Variants in RBM47 observed in about 807,000 individuals in gnomAD.
RBM47 encodes the protein RNA-binding protein 47.
A neutral mutation model predicts 47.1 loss-of-function variants in RBM47; 21 were observed. The observed-to-expected ratio is 0.45, with a 90% CI of 0.32 to 0.64. The LOEUF (loss-of-function observed/expected upper bound fraction) is 0.64. Ranked by LOEUF, RBM47 falls within the 30% of genes least tolerant of loss-of-function variation. The pLI, the probability that RBM47 is intolerant of heterozygous loss-of-function variation, is 0.05. For missense variants in RBM47, 708 were observed against 870.9 expected, an observed-to-expected ratio of 0.81 and a Z score of 2.35; for synonymous variants, 375 against 361.7, an observed-to-expected ratio of 1.04 and a Z score of -0.42.
chr4:40,448,108 AT>A (rs1714830073), intron 3 of RBM47, among the ~76,000 whole-genome samples: 1 of 152,138 alleles, frequency 6.6e-6, no homozygotes, highest in Non-Finnish European at 1.5e-5. Context: ...GAGGTAGAGA[AT>A]TGCTTGAACC....
intron 2 of RBM47, among the ~76,000 whole-genome samples, chr4:40,505,494 T>TA (rs560606253): frequency 0.016 from 2,075 of 132,344 alleles, 52 homozygotes; most frequent in African/African-American, 0.053. Flanking sequence ...AAAAAAAGTG[T>TA]AAAAAAAAAA....
chr4:40,454,752 C>T (rs954385319), intron 3 of RBM47, among the ~76,000 whole-genome samples: 1 of 152,186 alleles, frequency 6.6e-6, no homozygotes, highest in Non-Finnish European at 1.5e-5. Context: ...CCCACCTCAG[C>T]CTCCCAAAGT....
chr4:40,437,088 A>ATATATATAT lies in RBM47; in HGVS notation c.1124-442_1124-441insATATATATA, dbSNP rs1305076952. Reference sequence around the variant, plus strand: ...GACCCTGTCTCAAAAAAAAAAAAAAAAAATATATATATATATATATATAAA... The same window carrying ATATATATAT: ...GACCCTGTCTCAAAAAAAAAAAAAAATATATATATAAATATATATATATATATATATAAA... On this transcript the variant is annotated intron_variant, in intron 4 of 6. Coordinates refer to ENST00000295971, the MANE Select transcript of RBM47 (RefSeq NM_001098634.2). Among the ~76,000 whole-genome samples the ATATATATAT allele has an allele frequency of 3.5e-4, 19 of 54,012 alleles. 2 individuals carry two copies. Among genetic ancestry groups the ATATATATAT allele is most frequent in the African/African-American group, 1.8e-3 (17 of 9,256 alleles). 35.4% of individuals were successfully genotyped at this position (54,012 alleles called of 152,430 possible).
intron 1 of RBM47, among the ~76,000 whole-genome samples, chr4:40,617,670 T>C (rs942704453): frequency 1.3e-5 from 2 of 151,032 alleles, no homozygotes. Context: ...TTTATATTTA[T>C]ACTAATGTGA....
intron 2 of RBM47, among the ~76,000 whole-genome samples, chr4:40,515,296 A>G (rs1423717020): frequency 6.6e-6 from 1 of 152,196 alleles, no homozygotes; most frequent in Non-Finnish European, 1.5e-5. Flanking sequence ...CTGGTTTTAC[A>G]GAAACTACCT....
chr4:40,480,225 G>T (rs1720200881), intron 2 of RBM47, among the ~76,000 whole-genome samples: 1 of 151,984 alleles, frequency 6.6e-6, no homozygotes, highest in Non-Finnish European at 1.5e-5. Flanking sequence ...TGATCCATCT[G>T]CCTCGGCCTC....
rs1714725604 is a variant in RBM47, at chr4:40,424,179, T to C, written c.*1725A>G. On this transcript the variant is annotated 3_prime_UTR_variant, in exon 7 of 7. Coordinates refer to ENST00000295971, the MANE Select transcript of RBM47 (RefSeq NM_001098634.2). ...GTACTTGCTAAGGGCATGATCCTCT[T>C]ATGAATCCACAAGAATTCAGCCATC... 6.6e-6 allele frequency: 1 copy of C among 152,306 alleles called. No individual in the cohort carries two copies. Among genetic ancestry groups the C allele is most frequent in the African/African-American group, 2.4e-5 (1 of 41,444 alleles). The allele number at this position is 152,306 out of a possible 1,614,324, so 9.4% of individuals were successfully genotyped here. A position where few individuals can be genotyped will look rare whatever the true frequency, so the allele number is the denominator to read the frequency against.
At chr4:40,489,759 C>G (rs900755678) in intron 2 of RBM47, among the ~76,000 whole-genome samples, 6 of 152,198 alleles carry the variant, frequency 3.9e-5, no homozygotes, top group Non-Finnish European at 7.3e-5. Context: ...CTAATTACCA[C>G]CAATCCTTCA....
At chr4:40,605,418 C>A (rs1468158137) in intron 1 of RBM47, among the ~76,000 whole-genome samples, 1 of 152,214 alleles carries the variant, frequency 6.6e-6, no homozygotes, top group Non-Finnish European at 1.5e-5. Context: ...AGTGTTCAAA[C>A]CTCATTCTGT....
At chr4:40,485,232 T>C (rs1292693875) in intron 2 of RBM47, among the ~76,000 whole-genome samples, 2 of 152,250 alleles carry the variant, frequency 1.3e-5, no homozygotes, top group Non-Finnish European at 2.9e-5. Flanking sequence ...GTCAAATGAC[T>C]TTTTACTTAC....
At chr4:40,526,707 T>C (rs576759905) in intron 2 of RBM47, among the ~76,000 whole-genome samples, 1 of 151,514 alleles carries the variant, frequency 6.6e-6, no homozygotes, top group South Asian at 2.1e-4. Context: ...CTGAGTAGAC[T>C]GCAGGTGTGC....
chr4:40,428,185 C>A (rs545262338), intron 6 of RBM47, among the ~76,000 whole-genome samples: 1 of 145,352 alleles, frequency 6.9e-6, no homozygotes, highest in South Asian at 2.2e-4. Flanking sequence ...GGAAGTGAGA[C>A]CTTGTCTCAA....
intron 2 of RBM47, among the ~76,000 whole-genome samples, chr4:40,476,424 C>A (rs1175636625): frequency 1.3e-5 from 2 of 151,792 alleles, no homozygotes; most frequent in Non-Finnish European, 2.9e-5. Context: ...TACACATGAA[C>A]CAAACCCTCA....
intron 1 of RBM47, among the ~76,000 whole-genome samples, chr4:40,553,616 T>C (rs1043611708): frequency 2.4e-4 from 36 of 152,174 alleles, no homozygotes; most frequent in Non-Finnish European, 4.7e-4. Context: ...TTCATTTTTA[T>C]CACTTTTCAC....
intron 3 of RBM47, among the ~76,000 whole-genome samples, chr4:40,465,044 T>A (rs1423775248): frequency 6.6e-6 from 1 of 152,040 alleles, no homozygotes; most frequent in Non-Finnish European, 1.5e-5. Flanking sequence ...TTTCCTTCCA[T>A]TAGTATACTT....
intron 1 of RBM47, among the ~76,000 whole-genome samples, chr4:40,591,623 G>A (rs1396131933): frequency 6.6e-6 from 1 of 152,152 alleles, no homozygotes; most frequent in Non-Finnish European, 1.5e-5. Flanking sequence ...GAACCCAGGA[G>A]GCAGAGGTTG....
In RBM47 at chr4:40,435,058, G is replaced by C. The variant is rs114259703; in HGVS notation, c.1330+1383C>G. On this transcript the variant is annotated intron_variant, in intron 5 of 6. Coordinates refer to ENST00000295971, the MANE Select transcript of RBM47 (RefSeq NM_001098634.2). ...GGAGTTAATGTTTTTTGCAGGTTCG[G>C]ATCAGAAGACCGGCCTCACATTAGA... is the stretch of plus-strand genomic sequence containing the variant. Among the ~76,000 whole-genome samples, 1,475 of 152,240 alleles carry C rather than the reference G, an allele frequency of 9.7e-3. 20 individuals are homozygous for C. The highest frequency in any genetic ancestry group is 0.031 in the Middle Eastern group (9 of 294).
rs182302118 is a variant in RBM47 at position 40,628,540 on chromosome 4, C to T, written c.-240+856G>A. 2.8e-4 allele frequency among the ~76,000 whole-genome samples: 43 copies of T among 152,290 alleles called. No individual in the cohort carries two copies. Among genetic ancestry groups the T allele is most frequent in the Admixed American group, 2.3e-3 (35 of 15,296 alleles). ...CGGCAACTCCTTCATGTTGGGTTGT[C>T]AACCCTTTGCTTTCCCTCCCCTGAG... On this transcript the variant is annotated intron_variant, in intron 1 of 6. Transcript: ENST00000295971. This position sits in a 1 kb window ranked among gnomAD's most constrained non-coding sequence, Gnocchi z 4.0.
At chr4:40,605,954 T>G (rs1735719689) in intron 1 of RBM47, among the ~76,000 whole-genome samples, 1 of 151,682 alleles carries the variant, frequency 6.6e-6, no homozygotes, top group Non-Finnish European at 1.5e-5. Context: ...ACCCAGCACT[T>G]TGGGAGGCTG....
Sources: allele counts gnomAD v4.1 joint callset (sites outside exome capture counted in the v4.1 genomes callset), GRCh38; gene constraint gnomAD v4.1.1; non-coding constraint Gnocchi (gnomAD v3.1); transcripts MANE v1.5; gene names NCBI Gene and HGNC (gene_info 2026-07-23, HGNC 2026-07-21).